The following GARS1 variants were observed in gnomAD, a reference collection of about 807,000 sequenced individuals.
The protein encoded by GARS1 is glycyl-tRNA synthetase 1, also known as glycine--tRNA ligase.
In GARS1, 46 loss-of-function variants were observed where a neutral mutation model predicts 86.4. The observed-to-expected ratio is 0.53, with a 90% CI of 0.42 to 0.68. GARS1 has a LOEUF of 0.68. Ranked by LOEUF, GARS1 falls within the 30% of genes least tolerant of loss-of-function variation. The pLI is 0.00. For synonymous variants in GARS1, 342 were observed against 329.8 expected (o/e 1.04, Z -0.40); for missense variants, 797 against 915.6 (o/e 0.87, Z 1.67).
intron 4 of GARS1, among the ~76,000 whole-genome samples, chr7:30,602,732 A>G (rs888810550): frequency 6.6e-6 from 1 of 152,244 alleles, no homozygotes; most frequent in African/African-American, 2.4e-5. Context: ...ATAGGCATGG[A>G]TTAATTGATC....
rs1411328478 is a variant in GARS1 at position 30,594,941 on chromosome 7, T to G, written c.20T>G (p.Val7Gly). 3 of 1,594,852 alleles carry G rather than the reference T, an allele frequency of 1.9e-6. No homozygotes were observed. The highest frequency in any genetic ancestry group is 3.4e-5 in the Admixed American group (2 of 59,430). MPSPRP[V>G]LLRGARAALL... Reference sequence around the variant, plus strand: ...AGGCTCATGCCCTCTCCGCGTCCAGTGCTGCTTAGAGGTGCTCGCGCCGCT... The same window carrying G: ...AGGCTCATGCCCTCTCCGCGTCCAGGGCTGCTTAGAGGTGCTCGCGCCGCT... The change falls in exon 1 of 17, where the codon GTG becomes GGG. Residue 7 changes from valine (V) to glycine (G), a missense_variant. Transcript: ENST00000389266.
At chr7:30,600,559 A>C (rs756325254) in intron 3 of GARS1, among the ~76,000 whole-genome samples, 2 of 152,258 alleles carry the variant, frequency 1.3e-5, no homozygotes, top group Non-Finnish European at 2.9e-5. Flanking sequence ...TATATTTTTC[A>C]TAGTCAACGG....
chr7:30,629,834 A>G (rs1408962130), intron 14 of GARS1, among the ~76,000 whole-genome samples: 1 of 152,260 alleles, frequency 6.6e-6, no homozygotes, highest in Non-Finnish European at 1.5e-5. Flanking sequence ...AAATGATGAC[A>G]AACATAACTG....
intron 16 of GARS1, among the ~76,000 whole-genome samples, chr7:30,633,307 C>T (rs74866034): frequency 0.093 from 14,079 of 152,194 alleles, 1,263 homozygotes; most frequent in African/African-American, 0.23. Flanking sequence ...GCAGAACTTT[C>T]TTAGTTTTAG....
chr7:30,612,872 A>G (rs899270486), intron 8 of GARS1, among the ~76,000 whole-genome samples: 1 of 152,144 alleles, frequency 6.6e-6, no homozygotes, highest in African/African-American at 2.4e-5. Flanking sequence ...GGTGAGTTCT[A>G]TATTTCTTTA....
chr7:30,619,776 C>CTTTTTTTTTTTT (rs61613428), intron 10 of GARS1, among the ~76,000 whole-genome samples: 1 of 124,278 alleles, frequency 8.0e-6, no homozygotes, highest in African/African-American at 3.1e-5. Context: ...TTCTTTTTTT[C>CTTTTTTTTTTTT]TTTTTTTTTT....
chr7:30,609,977 C>G (rs1311078111), intron 7 of GARS1, among the ~76,000 whole-genome samples: 3 of 152,090 alleles, frequency 2.0e-5, no homozygotes, highest in Non-Finnish European at 4.4e-5. Context: ...ACTATATCTT[C>G]TAGTTATAGC....
intron 8 of GARS1, among the ~76,000 whole-genome samples, chr7:30,614,742 G>C (rs1438762098): frequency 6.6e-6 from 1 of 151,940 alleles, no homozygotes; most frequent in African/African-American, 2.4e-5. Flanking sequence ...CGGGCGTGGT[G>C]GCGGGCGCCT....
intron 1 of GARS1, among the ~76,000 whole-genome samples, chr7:30,595,439 C>T (rs995773730): frequency 6.6e-6 from 1 of 152,168 alleles, no homozygotes; most frequent in African/African-American, 2.4e-5. Flanking sequence ...TGTCACAGCC[C>T]GCGTCTCCTC....
At chr7:30,615,798 T>A in intron 8 of GARS1, 98 bp from the exon 9 acceptor site, 4 of 1,365,868 alleles carry the variant, frequency 2.9e-6, no homozygotes, top group Non-Finnish European at 4.1e-6. Context: ...ATGGAGCCTT[T>A]ATCACTAGAA....
chr7:30,626,980 C>CA (rs1192203935), intron 13 of GARS1: 36,730 of 309,540 alleles, frequency 0.12, 357 homozygotes, highest in African/African-American at 0.18. Flanking sequence ...GACTCCGTCT[C>CA]AAAAAAAAAA....
Position 30,617,155 on chromosome 7 carries a change from C to T in GARS1, c.1236C>T (p.Arg412=). The change falls in exon 10 of 17, where the codon CGC becomes CGT. Residue 412 remains arginine (R), a synonymous_variant. Transcript: ENST00000389266. ...NNTVLGYFIG[R]IYLYLTKVGI... The stretch of plus-strand genomic sequence containing the variant: ...CAGTATTAGGCTATTTCATTGGCCG[C>T]ATCTACCTCTACCTCACGAAGGTTG... 1.9e-6 allele frequency: 3 copies of T among 1,614,110 alleles called. No homozygotes were observed. The highest frequency in any genetic ancestry group is 2.5e-6 in the Non-Finnish European group (3 of 1,179,966).
rs944158131 is a variant in GARS1 at position 30,632,097 on chromosome 7, T to G, written c.1904-150T>G. 5 of 745,038 alleles carry G rather than the reference T, an allele frequency of 6.7e-6. No individual in the cohort carries two copies. The highest frequency in any genetic ancestry group is 6.2e-5 in the South Asian group (4 of 64,928). 46.2% of individuals were successfully genotyped at this position (745,038 alleles called of 1,614,324 possible). A position where few individuals can be genotyped will look rare whatever the true frequency, so the allele number is the denominator to read the frequency against. On this transcript the variant is annotated intron_variant, in intron 15 of 16. Coordinates refer to ENST00000389266, the MANE Select transcript of GARS1 (RefSeq NM_002047.4). The surrounding 1 kb of genome is among the most constrained non-coding windows in gnomAD (Gnocchi z 4.1). ...TTCCCGCAAGGGATTTATTAAACTT[T>G]AGGGATATTTCTTTCTCTTGCAACT...
chr7:30,595,771 T>C (rs1791234167), intron 1 of GARS1: 1 of 471,160 alleles, frequency 2.1e-6, no homozygotes, highest in Admixed American at 2.3e-5. Flanking sequence ...TTTCTATTAA[T>C]GCTGTGAACT....
intron 8 of GARS1, among the ~76,000 whole-genome samples, chr7:30,613,194 T>A (rs1022388800): frequency 4.6e-5 from 7 of 152,178 alleles, no homozygotes; most frequent in Non-Finnish European, 8.8e-5. Context: ...GCCTATGTTC[T>A]GCGCAAACTG....
Position 30,632,738 on chromosome 7 carries a change from G to C in GARS1, c.2094+301G>C, listed in dbSNP as rs970060368. 6.6e-6 allele frequency among the ~76,000 whole-genome samples: 1 copy of C among 152,170 alleles called. No individual in the cohort carries two copies. The highest frequency in any genetic ancestry group is 2.4e-5 in the African/African-American group (1 of 41,446). ...AGAAATATGATCCTAAGAATTTGTT[G>C]CCATAGTTTTATTGGTAGGCTTTGG... On this transcript the variant is annotated intron_variant, in intron 16 of 16. Transcript: ENST00000389266. This position sits in a 1 kb window ranked among gnomAD's most constrained non-coding sequence, Gnocchi z 4.1.
In GARS1 at chr7:30,609,698, G is replaced by A; in HGVS notation, c.849G>A (p.Lys283=). 1.2e-6 allele frequency: 2 copies of A among 1,613,638 alleles called. No individual in the cohort carries two copies. The highest frequency in any genetic ancestry group is 1.1e-5 in the South Asian group (1 of 91,054). ...SPPVSFNLMF[K]TFIGPGGNMP... is the part of the protein sequence containing the mutation. ...CAGTGTCTTTTAACTTAATGTTCAA[G>A]ACTTTCATTGGGCCTGGAGGAAACA... Residue 283 remains lysine (K), a synonymous_variant, in exon 7 of 17, where the codon AAG becomes AAA. Coordinates refer to ENST00000389266, the MANE Select transcript of GARS1 (RefSeq NM_002047.4).
chr7:30,618,416 T>C (rs1229241151), intron 10 of GARS1, among the ~76,000 whole-genome samples: 2 of 152,134 alleles, frequency 1.3e-5, no homozygotes, highest in Non-Finnish European at 2.9e-5. Context: ...GGAAGATTGC[T>C]TGAGCTCAGA....
intron 10 of GARS1, among the ~76,000 whole-genome samples, chr7:30,617,553 G>A (rs1782914759): frequency 6.6e-6 from 1 of 152,142 alleles, no homozygotes. Flanking sequence ...AGCATTACTG[G>A]CAATATCCTG....
Sources: gnomAD v4.1 joint callset for allele counts (sites outside exome capture counted in the v4.1 genomes callset) on GRCh38, gnomAD v4.1.1 for gene constraint, Gnocchi (gnomAD v3.1) non-coding constraint, MANE v1.5 for transcripts, NCBI Gene and HGNC (gene_info 2026-07-23, HGNC 2026-07-21) for gene names.